Variants in ALPK1 observed in about 807,000 individuals in gnomAD.
The protein encoded by ALPK1 is alpha kinase 1, also known as alpha-protein kinase 1.
ALPK1 carries 110 observed loss-of-function variants against 120.6 expected under a neutral mutation model. The observed-to-expected ratio is 0.91, with a 90% CI of 0.78 to 1.07. ALPK1 has a LOEUF of 1.07. ALPK1 is among the 50% of genes least tolerant of loss of function. ALPK1 has a pLI of 0.00. For synonymous variants in ALPK1, 582 were observed against 560.3 expected (o/e 1.04, Z -0.55); for missense variants, 1,498 against 1,483.9 (o/e 1.01, Z -0.16).
At chr4:112,437,267 T>C (rs560642271) in intron 12 of ALPK1, among the ~76,000 whole-genome samples, 23 of 143,296 alleles carry the variant, frequency 1.6e-4, no homozygotes, top group African/African-American at 5.2e-4. Context: ...CAACTCTCTT[T>C]TATGGAGGAA....
chr4:112,404,981 G>A (rs999132540), intron 4 of ALPK1, among the ~76,000 whole-genome samples: 2 of 152,262 alleles, frequency 1.3e-5, no homozygotes, highest in Middle Eastern at 3.4e-3. Flanking sequence ...TGATAGAAAC[G>A]CAAGCTGCTT....
At chr4:112,436,245 G>T (rs941171753) in intron 12 of ALPK1, among the ~76,000 whole-genome samples, 2 of 152,118 alleles carry the variant, frequency 1.3e-5, no homozygotes, top group African/African-American at 2.4e-5. Context: ...TGTTTTAAAT[G>T]ATTTATATGC....
intron 4 of ALPK1, among the ~76,000 whole-genome samples, chr4:112,408,203 C>G (rs191027081): frequency 2.5e-4 from 38 of 152,056 alleles, no homozygotes; most frequent in African/African-American, 7.7e-4. Flanking sequence ...TATCTGAGTA[C>G]CCCCCAAGGT....
chr4:112,382,634 C>A (rs1054421189), intron 4 of ALPK1, 82 bp downstream of exon 4: 2 of 1,595,268 alleles, frequency 1.3e-6, no homozygotes, highest in Non-Finnish European at 1.7e-6. Context: ...GATTAAATTT[C>A]TTTGAAGCAC....
rs775509415 is a variant in ALPK1, at chr4:112,427,684, A to C, written c.795+19A>C. 6.5e-7 allele frequency: 1 copy of C among 1,549,764 alleles called. No homozygotes were observed. Among genetic ancestry groups the C allele is most frequent in the South Asian group, 1.1e-5 (1 of 89,578 alleles). ...TAATTTGGTAATTATCATAACACTG[A>C]GTGGCATCACCTGTAAAATTGTCAA... On this transcript the variant is annotated intron_variant, in intron 9 of 15. Transcript: ENST00000650871.
intron 2 of ALPK1, among the ~76,000 whole-genome samples, chr4:112,324,022 T>A (rs59120872): frequency 0.022 from 3,369 of 152,280 alleles, 151 homozygotes; most frequent in East Asian, 0.19. Flanking sequence ...GGGAGCCCAC[T>A]GCTTTTATAA....
chr4:112,352,571 T>G (rs756781649), intron 2 of ALPK1: 32 of 152,242 alleles, frequency 2.1e-4, no homozygotes, highest in Non-Finnish European at 4.4e-4. Flanking sequence ...TAATACCTAA[T>G]ACAATGTAAA....
intron 8 of ALPK1, 150 bp downstream of exon 8, chr4:112,426,693 G>A (rs1326783552): frequency 1.7e-6 from 1 of 579,888 alleles, no homozygotes; most frequent in African/African-American, 1.9e-5. Context: ...ACAGTTAGTA[G>A]CTTCCTTATG....
At chr4:112,432,943 C>A (rs987624943) in intron 11 of ALPK1, among the ~76,000 whole-genome samples, 4 of 152,188 alleles carry the variant, frequency 2.6e-5, no homozygotes, top group Non-Finnish European at 5.9e-5. Context: ...ATTCTCATTA[C>A]CAATCAGGTG....
chr4:112,307,494 A>T (rs908738851), intron 1 of ALPK1, among the ~76,000 whole-genome samples: 7 of 151,938 alleles, frequency 4.6e-5, no homozygotes, highest in African/African-American at 1.2e-4. Context: ...TGATCCCTTT[A>T]CCATTATGTA....
intron 2 of ALPK1, among the ~76,000 whole-genome samples, chr4:112,368,254 GAATTTTT>G (rs1369083334): frequency 6.6e-6 from 1 of 152,008 alleles, no homozygotes; most frequent in African/African-American, 2.4e-5. Context: ...TGCATTCATT[GAATTTTT>G]AATTTTTAAT....
intron 4 of ALPK1, among the ~76,000 whole-genome samples, chr4:112,395,250 G>A (rs1732599184): frequency 6.6e-6 from 1 of 152,146 alleles, no homozygotes; most frequent in African/African-American, 2.4e-5. Context: ...CTTCAGCAGG[G>A]ATATGCCCTG....
intron 1 of ALPK1, among the ~76,000 whole-genome samples, chr4:112,313,577 G>C (rs548916138): frequency 6.6e-4 from 101 of 152,264 alleles, no homozygotes; most frequent in African/African-American, 2.4e-3. Flanking sequence ...ACAAAAATTA[G>C]TCGGATATGG....
At chr4:112,330,517 G>T (rs1729320675) in intron 2 of ALPK1, among the ~76,000 whole-genome samples, 1 of 152,134 alleles carries the variant, frequency 6.6e-6, no homozygotes, top group African/African-American at 2.4e-5. Flanking sequence ...TTCGCAACTG[G>T]TTAAAAGGCT....
chr4:112,362,558 G>T (rs1730960289), intron 2 of ALPK1, among the ~76,000 whole-genome samples: 2 of 152,054 alleles, frequency 1.3e-5, no homozygotes, highest in South Asian at 4.1e-4. Context: ...AAAAAAAAAT[G>T]AACAGAGACT....
At chr4:112,396,293 T>C (rs1732647602) in intron 4 of ALPK1, among the ~76,000 whole-genome samples, 1 of 152,222 alleles carries the variant, frequency 6.6e-6, no homozygotes, top group Non-Finnish European at 1.5e-5. Flanking sequence ...TTGGCCATTC[T>C]CTAAGGAACT....
chr4:112,381,127 A>G (rs772520339), intron 3 of ALPK1, among the ~76,000 whole-genome samples: 6 of 152,198 alleles, frequency 3.9e-5, no homozygotes, highest in Non-Finnish European at 7.3e-5. Flanking sequence ...GAGGCTTGAC[A>G]ATGTGCAAGA....
chr4:112,412,413 T>C (rs1484784062), intron 5 of ALPK1: 1 of 463,676 alleles, frequency 2.2e-6, no homozygotes, highest in Non-Finnish European at 4.3e-6. Context: ...GTCTCCTTTC[T>C]GTAGGACCAC....
At chr4:112,398,594 T>C (rs551794619) in intron 4 of ALPK1, among the ~76,000 whole-genome samples, 24 of 152,326 alleles carry the variant, frequency 1.6e-4, no homozygotes, top group Non-Finnish European at 2.9e-4. Flanking sequence ...CCTATATTTA[T>C]GGCTGGCCTA....
Sources: allele counts gnomAD v4.1 joint callset (sites outside exome capture counted in the v4.1 genomes callset), GRCh38; gene constraint gnomAD v4.1.1; transcripts MANE v1.5; gene names NCBI Gene and HGNC (gene_info 2026-07-23, HGNC 2026-07-21).